ARL15: variants seen among roughly 807,000 people sequenced by gnomAD.
ARL15 encodes ARF like GTPase 15.
ARL15 carries 19 observed loss-of-function variants against 25.2 expected under a neutral mutation model. The ratio of observed to expected loss-of-function variants is 0.75; its 90% CI spans 0.53 to 1.10. The LOEUF (loss-of-function observed/expected upper bound fraction) is 1.10, where lower values mean the gene tolerates loss of function less well. Among genes scored for constraint, ARL15 ranks in the 50% least tolerant of loss-of-function variants. ARL15 has a pLI of 0.00. For synonymous variants in ARL15, 94 were observed against 86.8 expected (o/e 1.08, Z -0.46); for missense variants, 220 against 246.0 (o/e 0.89, Z 0.71).
intron 1 of ARL15, among the ~76,000 whole-genome samples, chr5:54,192,669 C>T (rs950641477): frequency 5.1e-5 from 5 of 97,856 alleles, no homozygotes; most frequent in East Asian, 5.9e-4. Context: ...GGGTGGGGGG[C>T]GGGTCTAGAC....
At chr5:54,204,681 G>A (rs949525718) in intron 1 of ARL15, among the ~76,000 whole-genome samples, 3 of 152,150 alleles carry the variant, frequency 2.0e-5, no homozygotes, top group Non-Finnish European at 4.4e-5. Context: ...TTTCAGTGCA[G>A]ATGAATAAGA....
chr5:54,041,478 A>G (rs926042476), intron 4 of ARL15, among the ~76,000 whole-genome samples: 2 of 152,216 alleles, frequency 1.3e-5, no homozygotes, highest in African/African-American at 4.8e-5. Flanking sequence ...TGTGACCCTT[A>G]TGGTTAAGCT....
At chr5:54,274,173 G>T (rs1467462579) in intron 1 of ARL15, among the ~76,000 whole-genome samples, 2 of 152,116 alleles carry the variant, frequency 1.3e-5, no homozygotes, top group Non-Finnish European at 2.9e-5. Context: ...AGAAAAAGGA[G>T]CCCAGGGCAT....
chr5:54,079,695 C>T (rs1156318076), intron 4 of ARL15, among the ~76,000 whole-genome samples: 1 of 152,082 alleles, frequency 6.6e-6, no homozygotes, highest in Non-Finnish European at 1.5e-5. Flanking sequence ...TAAGGCCAGG[C>T]ATGGTGGCTC....
Position 54,111,303 on chromosome 5 carries a change from T to G in ARL15, c.462+1899A>C, listed in dbSNP as rs150139804. 6.6e-5 allele frequency among the ~76,000 whole-genome samples: 10 copies of G among 152,144 alleles called. No individual in the cohort carries two copies. The East Asian group carries it at 1.9e-3, about 29-fold the overall frequency. On this transcript the variant is annotated intron_variant, in intron 4 of 4. Transcript: ENST00000504924. ...CAAGTTTAGAATCATTTTCAGACCA[T>G]ATCTATGACAACGCTACATTTATAA...
At chr5:54,268,745 C>T (rs1459717094) in intron 1 of ARL15, among the ~76,000 whole-genome samples, 2 of 152,192 alleles carry the variant, frequency 1.3e-5, no homozygotes, top group Non-Finnish European at 2.9e-5. Flanking sequence ...GACTATAAAT[C>T]ATGCTGCTAT....
chr5:53,946,311 G>A (rs375518342), intron 4 of ARL15, among the ~76,000 whole-genome samples: 2 of 151,984 alleles, frequency 1.3e-5, no homozygotes, highest in Non-Finnish European at 2.9e-5. Flanking sequence ...AAACCCAGGC[G>A]TAGTGGCATG....
intron 4 of ARL15, among the ~76,000 whole-genome samples, chr5:53,888,303 T>C (rs1296763618): frequency 1.3e-5 from 2 of 152,122 alleles, no homozygotes; most frequent in Non-Finnish European, 2.9e-5. Flanking sequence ...TTAGATTAGA[T>C]AGGGTCTCAA....
chr5:54,153,639 T>A (rs1402799168), intron 3 of ARL15, among the ~76,000 whole-genome samples: 1 of 152,126 alleles, frequency 6.6e-6, no homozygotes, highest in Non-Finnish European at 1.5e-5. Flanking sequence ...AATATGAAAT[T>A]GACTGGCAGA....
intron 4 of ARL15, among the ~76,000 whole-genome samples, chr5:54,106,330 A>G (rs1752589178): frequency 6.6e-6 from 1 of 152,306 alleles, no homozygotes; most frequent in South Asian, 2.1e-4. Context: ...GGCTTGAGTA[A>G]AGAGAGAGTA....
intron 3 of ARL15, among the ~76,000 whole-genome samples, chr5:54,146,330 T>C (rs551900296): frequency 1.3e-5 from 2 of 152,118 alleles, no homozygotes; most frequent in Admixed American, 6.5e-5. Flanking sequence ...CAAAGCAAGA[T>C]AGATACTATG....
At chr5:54,259,102 T>C (rs561910333) in intron 1 of ARL15, among the ~76,000 whole-genome samples, 1 of 152,266 alleles carries the variant, frequency 6.6e-6, no homozygotes, top group Middle Eastern at 3.4e-3. Context: ...TAGAGCCTAA[T>C]AGGGTGCACC....
intron 1 of ARL15, among the ~76,000 whole-genome samples, chr5:54,246,320 G>A (rs536973351): frequency 6.6e-6 from 1 of 151,926 alleles, no homozygotes; most frequent in African/African-American, 2.4e-5. Context: ...CGATCCCTCC[G>A]ACAACTTGCC....
chr5:54,265,643 GT>G (rs11298859), intron 1 of ARL15, among the ~76,000 whole-genome samples: 105,614 of 151,988 alleles, frequency 0.69, 37,228 homozygotes, highest in Non-Finnish European at 0.74. Flanking sequence ...TATAAAAAAT[GT>G]TAACTATTGT....
At chr5:54,285,374 G>A (rs977582381) in intron 1 of ARL15, 7 of 884,364 alleles carry the variant, frequency 7.9e-6, no homozygotes. Flanking sequence ...AAATTTCAAA[G>A]GTAAGCATGA....
At chr5:54,113,502 C>T (rs1046248013) in intron 3 of ARL15, 92 bp from the exon 4 acceptor site, 4 of 1,222,338 alleles carry the variant, frequency 3.3e-6, no homozygotes, top group Non-Finnish European at 4.6e-6. Context: ...AACCAATGTA[C>T]CTTTTAAAAA....
intron 1 of ARL15, among the ~76,000 whole-genome samples, chr5:54,174,133 C>T (rs908613997): frequency 6.6e-6 from 1 of 152,058 alleles, no homozygotes; most frequent in Non-Finnish European, 1.5e-5. Context: ...CATCTCAGTA[C>T]TCCCAGTGTC....
In ARL15 at chr5:54,094,387, T is replaced by C. The variant is rs1474349186; in HGVS notation, c.462+18815A>G. Among the ~76,000 whole-genome samples, 4 of 141,596 alleles carry C rather than the reference T, an allele frequency of 2.8e-5. No homozygotes were observed. In the East Asian group the frequency reaches 6.2e-4, roughly 22 times the overall value. 92.9% of individuals were successfully genotyped at this position (141,596 alleles called of 152,430 possible). On this transcript the variant is annotated intron_variant, in intron 4 of 4. Coordinates refer to ENST00000504924, the MANE Select transcript of ARL15 (RefSeq NM_019087.3). ...AATATTAAAGATTTTTGATTAGGAA[T>C]AAAACATGGAAATTCCCAACTAAGA...
intron 4 of ARL15, among the ~76,000 whole-genome samples, chr5:53,944,677 T>G (rs1580105039): frequency 6.6e-6 from 1 of 152,172 alleles, no homozygotes; most frequent in Admixed American, 6.5e-5. Context: ...CTATTTTCTA[T>G]CCTACTACCT....
Sources: gnomAD v4.1 joint callset for allele counts (sites outside exome capture counted in the v4.1 genomes callset) on GRCh38, gnomAD v4.1.1 for gene constraint, MANE v1.5 for transcripts, NCBI Gene and HGNC (gene_info 2026-07-23, HGNC 2026-07-21) for gene names.